Variants in SYDE2 observed in about 807,000 individuals in gnomAD.
The protein encoded by SYDE2 is synapse defective Rho GTPase homolog 2.
Under a neutral mutation model 91.5 loss-of-function variants are expected in SYDE2, and 76 were observed. The ratio of observed to expected loss-of-function variants is 0.83; its 90% CI spans 0.69 to 1.01. The LOEUF is 1.01. Ranked by LOEUF, SYDE2 falls within the 50% of genes least tolerant of loss-of-function variation. The pLI, the probability that SYDE2 is intolerant of heterozygous loss-of-function variation, is 0.00. For synonymous variants in SYDE2, 513 were observed against 506.4 expected (o/e 1.01, Z -0.18); for missense variants, 1,364 against 1,367.7 (o/e 1.00, Z 0.04).
chr1:85,183,660 TAAG>T (rs1360475071), intron 2 of SYDE2, among the ~76,000 whole-genome samples: 3 of 152,140 alleles, frequency 2.0e-5, no homozygotes, highest in Non-Finnish European at 4.4e-5. Context: ...GCTTTTCTAT[TAAG>T]AAGATAATAG....
chr1:85,167,888 C>T (rs1657349744), intron 5 of SYDE2, among the ~76,000 whole-genome samples: 1 of 152,034 alleles, frequency 6.6e-6, no homozygotes, highest in South Asian at 2.1e-4. Context: ...CCAAGGTGGG[C>T]AGATCACTGG....
At chr1:85,189,251 A>C (rs758800186) in intron 2 of SYDE2, among the ~76,000 whole-genome samples, 68 of 152,188 alleles carry the variant, frequency 4.5e-4, no homozygotes, top group Non-Finnish European at 6.5e-4. Context: ...TTTCAGTTCC[A>C]TAACTACTGT....
chr1:85,182,461 G>T lies in SYDE2; in HGVS notation c.2181C>A (p.Asp727Glu). The change falls in exon 3 of 7, where the codon GAC becomes GAA. Residue 727 changes from aspartate to glutamate, a missense_variant. By Grantham distance (45) the Asp-to-Glu change is conservative (BLOSUM62 2). Coordinates refer to ENST00000341460, the MANE Select transcript of SYDE2 (RefSeq NM_032184.2). ...TTTCTATGTTGAAAGTGTGATCCATGTCTAAAAATGTTGTTCGGCATGTGA... is the reference window on the plus strand; with the variant it reads ...TTTCTATGTTGAAAGTGTGATCCATTTCTAAAAATGTTGTTCGGCATGTGA... ...ALLTCRTTFLDMDHTFNIEIE... is the reference protein window; with the variant it reads ...ALLTCRTTFLEMDHTFNIEIE... The T allele has an allele frequency of 6.2e-7, 1 of 1,613,632 alleles. No homozygotes were observed. Among genetic ancestry groups the T allele is most frequent in the Admixed American group, 1.7e-5 (1 of 59,974 alleles).
At chr1:85,199,555 G>A (rs1417544941) in intron 1 of SYDE2, among the ~76,000 whole-genome samples, 1 of 151,988 alleles carries the variant, frequency 6.6e-6, no homozygotes, top group East Asian at 1.9e-4. Flanking sequence ...ACTACCTGAG[G>A]AACATTTTTC....
chr1:85,177,295 C>T (rs970267456), intron 4 of SYDE2, among the ~76,000 whole-genome samples: 1 of 152,162 alleles, frequency 6.6e-6, no homozygotes, highest in African/African-American at 2.4e-5. Flanking sequence ...GAATTACAGT[C>T]ACCACTTGGG....
At chr1:85,186,511 C>G (rs1040846352) in intron 2 of SYDE2, among the ~76,000 whole-genome samples, 8 of 152,110 alleles carry the variant, frequency 5.3e-5, no homozygotes, top group African/African-American at 1.7e-4. Context: ...TTGGAAAAAA[C>G]TACTTTAAAG....
At chr1:85,160,190 A>G in intron 6 of SYDE2, 7 of 984,782 alleles carry the variant, frequency 7.1e-6, no homozygotes, top group Non-Finnish European at 8.4e-6. Context: ...ATAAAGCAAC[A>G]TAAATCAGTG....
chr1:85,199,917 G>T (rs1658745793), intron 1 of SYDE2, among the ~76,000 whole-genome samples: 1 of 151,906 alleles, frequency 6.6e-6, no homozygotes. Context: ...AGACAGTGCC[G>T]CCCATCTGTA....
Position 85,182,195 on chromosome 1 carries a change from A to C in SYDE2, c.2447T>G (p.Val816Gly). 1 of 1,608,170 alleles carries C rather than the reference A, an allele frequency of 6.2e-7. No homozygotes were observed. Residue 816 changes from valine (V) to glycine (G), a missense_variant, in exon 3 of 7, where the codon GTT becomes GGT. Val to Gly is a moderately radical substitution (Grantham distance 109). Coordinates refer to ENST00000341460, the MANE Select transcript of SYDE2 (RefSeq NM_032184.2). ...TTTCTCTACAACTTTTTGAATATCA[A>C]CTCCAAATATTATTGGTTCTTGGTT... is the stretch of plus-strand genomic sequence containing the variant. Reference protein sequence around the residue: ...DINQEPIIFGVDIQKVVEKEN... With the variant: ...DINQEPIIFGGDIQKVVEKEN...
At chr1:85,186,152 G>A (rs1177104327) in intron 2 of SYDE2, among the ~76,000 whole-genome samples, 1 of 152,106 alleles carries the variant, frequency 6.6e-6, no homozygotes, top group Admixed American at 6.5e-5. Flanking sequence ...AAGCCCACTT[G>A]ATCTTGGTGG....
chr1:85,172,550 GCAA>G (rs1034135053), intron 4 of SYDE2, among the ~76,000 whole-genome samples: 1 of 152,014 alleles, frequency 6.6e-6, no homozygotes, highest in Admixed American at 6.5e-5. Flanking sequence ...CTTCCTGCTT[GCAA>G]CAACTGAAAA....
At chr1:85,172,701 C>G (rs922609756) in intron 4 of SYDE2, among the ~76,000 whole-genome samples, 1 of 152,066 alleles carries the variant, frequency 6.6e-6, no homozygotes, top group Non-Finnish European at 1.5e-5. Flanking sequence ...CTTTGCAGGT[C>G]GCAGTAAGGA....
chr1:85,182,538 C>G lies in SYDE2; in HGVS notation c.2104G>C (p.Val702Leu). Residue 702 changes from valine (V) to leucine (L), a missense_variant, in exon 3 of 7, where the codon GTC (valine) becomes CTC (leucine). By Grantham distance (32) the Val-to-Leu change is conservative. Transcript: ENST00000341460. ...GAATCTACCTGAATTGCACAAAAGA[C>G]GTCTTTTGAATCTATCCGAGGTGGT... The part of the protein sequence containing the change: ...LKPPRIDSKD[V>L]FCAIQVDSVN... The G allele has an allele frequency of 2.5e-6, 4 of 1,613,874 alleles. No homozygotes were observed. The highest frequency in any genetic ancestry group is 3.4e-6 in the Non-Finnish European group (4 of 1,179,844).
At position 85,159,162 on chromosome 1, in the gene SYDE2, C is replaced by T. The variant is rs755225039; in HGVS notation, c.3173G>A (p.Arg1058Gln). Residue 1058 changes from arginine (R) to glutamine (Q), a missense_variant, in exon 7 of 7, where the codon CGA (arginine) becomes CAA (glutamine). Physicochemically the swap from Arg to Gln is conservative, Grantham distance 43. Transcript: ENST00000341460. ...ACCACTCAAATTTAACATATGAGGT[C>T]GTTCTTTCTTCTGCCTCAGATAATT... is the stretch of plus-strand genomic sequence containing the variant. ...SLNYLRQKKERPHMLNLSGTD... is the reference protein window; with the variant it reads ...SLNYLRQKKEQPHMLNLSGTD... 1.2e-5 allele frequency: 9 copies of T among 780,650 alleles called. No homozygotes were observed. Among genetic ancestry groups the T allele is most frequent in the African/African-American group, 6.8e-5 (4 of 59,136 alleles). 48.4% of individuals were successfully genotyped at this position (780,650 alleles called of 1,614,324 possible).
intron 1 of SYDE2, among the ~76,000 whole-genome samples, chr1:85,191,707 G>A (rs183731232): frequency 7.1e-4 from 106 of 148,634 alleles, no homozygotes; most frequent in Non-Finnish European, 1.2e-3. Context: ...GTGGTGAGCC[G>A]AGATCGTGCC....
intron 2 of SYDE2, among the ~76,000 whole-genome samples, chr1:85,187,357 C>A (rs1658184019): frequency 6.6e-6 from 1 of 152,064 alleles, no homozygotes; most frequent in African/African-American, 2.4e-5. Flanking sequence ...ATTAAAAAGT[C>A]AGGAAACAAC....
rs1244772338 is a variant in SYDE2, at chr1:85,158,779, T to G, written c.3556A>C (p.Asn1186His). The G allele has an allele frequency of 1.3e-6, 1 of 753,800 alleles. No homozygotes were observed. The highest frequency in any genetic ancestry group is 2.4e-6 in the Non-Finnish European group (1 of 409,008). The allele number at this position is 753,800 out of a possible 1,614,324, so 46.7% of individuals were successfully genotyped here. Reference sequence around the variant, plus strand: ...AAACTCATATTAAGCTTGTTTTTGTTGAGCTCACGTTCCAGATTTCCAATC... The same window carrying G: ...AAACTCATATTAAGCTTGTTTTTGTGGAGCTCACGTTCCAGATTTCCAATC... ...TLIGNLEREL[N>H]KNKLNMSF The change falls in exon 7 of 7, where the codon AAC (asparagine) becomes CAC (histidine). Residue 1186 changes from asparagine (N) to histidine (H), a missense_variant. By Grantham distance (68) the Asn-to-His change is moderately conservative. Coordinates refer to ENST00000341460, the MANE Select transcript of SYDE2 (RefSeq NM_032184.2).
At chr1:85,188,760 G>A (rs1480580613) in intron 2 of SYDE2, among the ~76,000 whole-genome samples, 6 of 152,314 alleles carry the variant, frequency 3.9e-5, no homozygotes, top group South Asian at 2.1e-4. Context: ...GAGGCACGCC[G>A]AGGCTGCCCT....
rs1211749812 is a variant in SYDE2, at chr1:85,190,622, A to AT, written c.875dup (p.Tyr292Ter). 6.2e-7 allele frequency: 1 copy of AT among 1,613,840 alleles called. No homozygotes were observed. Among genetic ancestry groups the AT allele is most frequent in the African/African-American group, 1.3e-5 (1 of 74,920 alleles). ...ITVSKKRNWL[Y>*]QSTLRPLNLE... ...GATTAAGAGGCCTCAGAGTACTCTG[A>AT]TATAGCCAATTGCGTTTCTTTGAAA... The change falls in exon 2 of 7, where the codon TAT (tyrosine) becomes TAAT (stop). Residue 292 changes from tyrosine to a stop codon, truncating the protein, a stop_gained and frameshift_variant. Transcript: ENST00000341460. LOFTEE classifies it high-confidence loss of function.
Sources: gnomAD v4.1 joint callset for allele counts (sites outside exome capture counted in the v4.1 genomes callset) on GRCh38, gnomAD v4.1.1 for gene constraint, MANE v1.5 for transcripts, NCBI Gene and HGNC (gene_info 2026-07-23, HGNC 2026-07-21) for gene names.